SAMD5: variants seen among roughly 807,000 people sequenced by gnomAD.
SAMD5 encodes sterile alpha motif domain containing 5.
In SAMD5, 13 loss-of-function variants were observed where a neutral mutation model predicts 11.3. The observed-to-expected ratio is 1.15, with a 90% CI of 0.75 to 1.83. The LOEUF is 1.83. Among genes scored for constraint, SAMD5 ranks in the 40% most tolerant of loss-of-function variants. The probability of loss-of-function intolerance (pLI) is 0.00; values close to 1 mark genes in which losing one functional copy is unlikely to be tolerated. For missense variants in SAMD5, 255 were observed against 239.1 expected, an observed-to-expected ratio of 1.07 and a Z score of -0.44; for synonymous variants, 129 against 111.3, an observed-to-expected ratio of 1.16 and a Z score of -1.00.
chr6:147,588,400 G>A (rs1236401420), intron 1 of SAMD5, among the ~76,000 whole-genome samples: 3 of 135,858 alleles, frequency 2.2e-5, no homozygotes, highest in African/African-American at 8.3e-5. Context: ...TGCAACCTCC[G>A]CCTCCCAGGT....
chr6:147,891,624 A>T, the SAMD5 span, among the ~76,000 whole-genome samples: 1 of 152,182 alleles, frequency 6.6e-6, no homozygotes, highest in Non-Finnish European at 1.5e-5. Flanking sequence ...CTGATTGTTA[A>T]GGACAGACAG....
intron 1 of SAMD5, among the ~76,000 whole-genome samples, chr6:147,585,494 C>T (rs1481808234): frequency 1.3e-5 from 2 of 152,100 alleles, no homozygotes; most frequent in East Asian, 3.9e-4. Context: ...TGGGCAAGAA[C>T]TTAGTAATGG....
chr6:147,637,241 G>T (rs533077907), intron 1 of SAMD5, among the ~76,000 whole-genome samples: 17 of 152,324 alleles, frequency 1.1e-4, no homozygotes, highest in Non-Finnish European at 1.9e-4. Flanking sequence ...AGGGAGTCCT[G>T]GTTGGGTGAG....
the SAMD5 span, among the ~76,000 whole-genome samples, chr6:147,815,032 G>C: frequency 6.6e-6 from 1 of 152,188 alleles, no homozygotes; most frequent in South Asian, 2.1e-4. Context: ...ATGAGGGGCT[G>C]AGTGCCATCC....
intron 1 of SAMD5, among the ~76,000 whole-genome samples, chr6:147,550,062 T>A (rs1446196948): frequency 6.6e-6 from 1 of 151,278 alleles, no homozygotes; most frequent in East Asian, 1.9e-4. Flanking sequence ...CTGGGCAACA[T>A]AGCAAGACCT....
chr6:147,882,944 C>T, the SAMD5 span, among the ~76,000 whole-genome samples: 1 of 152,114 alleles, frequency 6.6e-6, no homozygotes, highest in Non-Finnish European at 1.5e-5. Flanking sequence ...TACAGTTTCC[C>T]ATTTGGATCT....
intron 1 of SAMD5, among the ~76,000 whole-genome samples, chr6:147,731,863 A>T (rs897363812): frequency 1.3e-5 from 2 of 152,104 alleles, no homozygotes; most frequent in African/African-American, 4.8e-5. Flanking sequence ...GAATTGTGTC[A>T]GCAGCATGTT....
intron 1 of SAMD5, among the ~76,000 whole-genome samples, chr6:147,516,859 C>T (rs940294097): frequency 6.6e-6 from 1 of 152,130 alleles, no homozygotes; most frequent in Non-Finnish European, 1.5e-5. Flanking sequence ...GCTTTGGGGT[C>T]ACTCAGTAAA....
chr6:147,737,429 A>G (rs1260565089), exon 2 of SAMD5: 14 of 974,980 alleles, frequency 1.4e-5, no homozygotes, highest in Non-Finnish European at 1.8e-5. Flanking sequence ...AGATGTATTG[A>G]CATTTCTTTG....
chr6:147,675,944 A>G (rs1181012286), intron 1 of SAMD5: 1 of 152,222 alleles, frequency 6.6e-6, no homozygotes, highest in Non-Finnish European at 1.5e-5. Flanking sequence ...GAGAATACCA[A>G]GAATTTAGCT....
Position 147,568,246 on chromosome 6 carries a change from G to A in SAMD5, c.*3790G>A. The A allele has an allele frequency of 2.0e-6, 2 of 985,376 alleles. No homozygotes were observed. The highest frequency in any genetic ancestry group is 2.4e-6 in the Non-Finnish European group (2 of 829,928). The allele number at this position is 985,376 out of a possible 1,614,324, so 61.0% of individuals were successfully genotyped here. ...ATGAAAAGAAAAACCAGATATACCA[G>A]GGACTGGAAAGCACCTGCTTGAAAA... On this transcript the variant is annotated 3_prime_UTR_variant, in exon 2 of 2. Transcript: ENST00000367474.
chr6:147,835,772 C>A, the SAMD5 span, among the ~76,000 whole-genome samples: 1 of 152,084 alleles, frequency 6.6e-6, no homozygotes, highest in African/African-American at 2.4e-5. Context: ...ATTTCTTCCC[C>A]TCCACTTGTC....
the SAMD5 span, among the ~76,000 whole-genome samples, chr6:147,905,406 C>T: frequency 1.6e-3 from 247 of 152,200 alleles, no homozygotes; most frequent in Middle Eastern, 3.4e-3. Flanking sequence ...GGCTCGAGCT[C>T]CTGAGTTCAG....
the SAMD5 span, among the ~76,000 whole-genome samples, chr6:147,846,298 T>G: frequency 6.6e-6 from 1 of 152,282 alleles, no homozygotes; most frequent in Admixed American, 6.5e-5. Flanking sequence ...GTCTTGACTG[T>G]AGTAGTCATG....
intron 1 of SAMD5, among the ~76,000 whole-genome samples, chr6:147,525,861 A>G (rs1448980721): frequency 6.6e-6 from 1 of 152,180 alleles, no homozygotes; most frequent in Non-Finnish European, 1.5e-5. Context: ...AGCACAACCA[A>G]GAAAGCCAGC....
the SAMD5 span, among the ~76,000 whole-genome samples, chr6:147,881,337 T>G: frequency 1.3e-5 from 2 of 152,172 alleles, no homozygotes; most frequent in Non-Finnish European, 2.9e-5. Context: ...ATCATTTAGA[T>G]GCCACCTGAC....
chr6:147,550,475 C>T (rs190792102), intron 1 of SAMD5, among the ~76,000 whole-genome samples: 169 of 152,124 alleles, frequency 1.1e-3, no homozygotes, highest in African/African-American at 2.0e-3. Context: ...CAGCACTATT[C>T]GCAATAGCAA....
At chr6:147,816,225 A>AGCCGAGATT in the SAMD5 span, among the ~76,000 whole-genome samples, 1 of 139,650 alleles carries the variant, frequency 7.2e-6, no homozygotes, top group Non-Finnish European at 1.5e-5. Context: ...GGTTGCTGTG[A>AGCCGAGATT]GCCGAGATTG....
intron 1 of SAMD5, among the ~76,000 whole-genome samples, chr6:147,595,343 C>A (rs958933535): frequency 6.6e-6 from 1 of 152,044 alleles, no homozygotes; most frequent in Non-Finnish European, 1.5e-5. Flanking sequence ...CTCTTATTTA[C>A]ACCATTAGTT....
Sources: allele counts gnomAD v4.1 joint callset (sites outside exome capture counted in the v4.1 genomes callset), GRCh38; gene constraint gnomAD v4.1.1; transcripts MANE v1.5; gene names NCBI Gene and HGNC (gene_info 2026-07-23, HGNC 2026-07-21).